The following GALC variants were observed in gnomAD, a reference collection of about 807,000 sequenced individuals.
The protein encoded by GALC is galactocerebrosidase.
In GALC, 77 loss-of-function variants were observed where a neutral mutation model predicts 91.8. The ratio of observed to expected loss-of-function variants is 0.84; its 90% CI spans 0.70 to 1.01. GALC has a LOEUF of 1.01. GALC is among the 50% of genes least tolerant of loss of function. GALC has a pLI of 0.00. For synonymous variants in GALC, 357 were observed against 306.7 expected (o/e 1.16, Z -1.71); for missense variants, 882 against 855.9 (o/e 1.03, Z -0.38).
At chr14:87,978,512 A>G (rs1289824004) in intron 6 of GALC, among the ~76,000 whole-genome samples, 3 of 152,228 alleles carry the variant, frequency 2.0e-5, no homozygotes, top group African/African-American at 7.2e-5. Flanking sequence ...ACAAGTCTAC[A>G]TGCTATGATT....
chr14:87,942,719 A>C (rs1361186231), intron 14 of GALC, among the ~76,000 whole-genome samples: 1 of 152,006 alleles, frequency 6.6e-6, no homozygotes, highest in Non-Finnish European at 1.5e-5. Flanking sequence ...TGCACAGTGA[A>C]ATTTTACTAC....
intron 7 of GALC, among the ~76,000 whole-genome samples, chr14:87,973,797 AC>A (rs1886389647): frequency 6.6e-6 from 1 of 152,166 alleles, no homozygotes; most frequent in Non-Finnish European, 1.5e-5. Context: ...ATGTTTAGAA[AC>A]ATTCGTGGCC....
rs551655721 is a variant in GALC, at chr14:87,954,334, G to C, written c.1162-3586C>G. 16 of 1,600,392 alleles carry C rather than the reference G, an allele frequency of 1.0e-5. No homozygotes were observed. The East Asian group carries it at 3.6e-4, about 36-fold the overall frequency. ...CTGACAGAGGCAGTATACAGTTATA[G>C]AGGACAGAAGCAGAAAAAGTTATGT... is the stretch of plus-strand genomic sequence containing the variant. On this transcript the variant is annotated intron_variant, in intron 10 of 16. Coordinates refer to ENST00000261304, the MANE Select transcript of GALC (RefSeq NM_000153.4).
At chr14:87,935,423 T>C (rs1884530416) in intron 16 of GALC, among the ~76,000 whole-genome samples, 1 of 152,082 alleles carries the variant, frequency 6.6e-6, no homozygotes. Context: ...CAAAGCCATA[T>C]GAAGCTCCTA....
chr14:87,993,533 C>G, upstream of GALC: 1 of 1,445,578 alleles, frequency 6.9e-7, no homozygotes, highest in South Asian at 1.2e-5. Flanking sequence ...GAGGACCAGG[C>G]TTGGACACCA....
At chr14:87,960,617 G>A (rs182809590) in intron 10 of GALC, among the ~76,000 whole-genome samples, 165 of 152,220 alleles carry the variant, frequency 1.1e-3, no homozygotes, top group South Asian at 1.2e-3. Flanking sequence ...TGGTGCTCAC[G>A]TCAGGACAGA....
chr14:87,955,700 T>C (rs1885505429), intron 10 of GALC, among the ~76,000 whole-genome samples: 1 of 152,118 alleles, frequency 6.6e-6, no homozygotes, highest in African/African-American at 2.4e-5. Context: ...TAAAAAGCAT[T>C]GAAAACGAAG....
At chr14:87,944,838 G>A (rs1884999459) in intron 14 of GALC, among the ~76,000 whole-genome samples, 1 of 151,812 alleles carries the variant, frequency 6.6e-6, no homozygotes, top group Non-Finnish European at 1.5e-5. Flanking sequence ...CTTTTTGGTG[G>A]CTTGGTATTA....
chr14:87,955,456 T>C (rs1157610612), intron 10 of GALC, among the ~76,000 whole-genome samples: 1 of 152,042 alleles, frequency 6.6e-6, no homozygotes, highest in Non-Finnish European at 1.5e-5. Flanking sequence ...CCCTGGGAAT[T>C]AAAGGTTTGC....
Position 87,933,951 on chromosome 14 carries a change from G to T in GALC, c.*781C>A. On this transcript the variant is annotated 3_prime_UTR_variant, in exon 17 of 17. Coordinates refer to ENST00000261304, the MANE Select transcript of GALC (RefSeq NM_000153.4). Reference sequence around the variant, plus strand: ...CACAGTGAGATGAGGCTGAGGAAACGACTACAACAGCATTGGCTATATCAG... The same window carrying T: ...CACAGTGAGATGAGGCTGAGGAAACTACTACAACAGCATTGGCTATATCAG... 1 of 1,524,666 alleles carries T rather than the reference G, an allele frequency of 6.6e-7. No individual in the cohort carries two copies. Among genetic ancestry groups the T allele is most frequent in the Non-Finnish European group, 8.8e-7 (1 of 1,136,984 alleles). The allele number at this position is 1,524,666 out of a possible 1,614,324, so 94.4% of individuals were successfully genotyped here. A position where few individuals can be genotyped will look rare whatever the true frequency, so the allele number is the denominator to read the frequency against.
intron 2 of GALC, 35 bp from the exon 3 acceptor site, chr14:87,988,242 G>C: frequency 1.3e-6 from 2 of 1,562,246 alleles, no homozygotes; most frequent in Non-Finnish European, 1.8e-6. Flanking sequence ...ACATAGTGTT[G>C]TATTGTATGA....
At chr14:87,961,526 T>C (rs765064362) in intron 10 of GALC, among the ~76,000 whole-genome samples, 13 of 152,144 alleles carry the variant, frequency 8.5e-5, no homozygotes, top group Non-Finnish European at 1.5e-4. Context: ...ATCCACACCA[T>C]TAGTCATAAC....
upstream of GALC, chr14:87,993,532 G>GTGTCCAAGCCTGGTCCT: frequency 1.4e-6 from 2 of 1,457,582 alleles, no homozygotes; most frequent in Non-Finnish European, 1.9e-6. Context: ...CGAGGACCAG[G>GTGTCCAAGCCTGGTCCT]CTTGGACACC....
chr14:87,971,537 C>T (rs571123810), intron 7 of GALC, among the ~76,000 whole-genome samples: 3 of 152,112 alleles, frequency 2.0e-5, no homozygotes, highest in African/African-American at 7.2e-5. Flanking sequence ...CACAATAAAA[C>T]ACATAAATGG....
At position 87,945,639 on chromosome 14, in the gene GALC, G is replaced by T; in HGVS notation, c.1584C>A (p.Phe528Leu). 1 of 1,609,664 alleles carries T rather than the reference G, an allele frequency of 6.2e-7. No individual in the cohort carries two copies. The highest frequency in any genetic ancestry group is 8.5e-7 in the Non-Finnish European group (1 of 1,176,262). The change falls in exon 14 of 17, where the codon TTC (phenylalanine) becomes TTA (leucine). Residue 528 changes from phenylalanine to leucine, a missense_variant. Phe to Leu is a conservative substitution (Grantham distance 22, BLOSUM62 0). Coordinates refer to ENST00000261304, the MANE Select transcript of GALC (RefSeq NM_000153.4). Reference sequence around the variant, plus strand: ...TCTGGTTGAGAACTTGGCGTAGCGTGAAGTGATGCTCGCCAGGGTCTTCAA... The same window carrying T: ...TCTGGTTGAGAACTTGGCGTAGCGTTAAGTGATGCTCGCCAGGGTCTTCAA... Reference protein sequence around the residue: ...TNIEDPGEHHFTLRQVLNQRP... With the variant: ...TNIEDPGEHHLTLRQVLNQRP...
chr14:87,948,815 A>G (rs1885186124), intron 12 of GALC, among the ~76,000 whole-genome samples: 1 of 151,988 alleles, frequency 6.6e-6, no homozygotes, highest in Non-Finnish European at 1.5e-5. Context: ...AACTTAATAC[A>G]TAATAAGGTG....
At chr14:87,940,287 G>A (rs1884779686) in intron 15 of GALC, among the ~76,000 whole-genome samples, 2 of 151,922 alleles carry the variant, frequency 1.3e-5, no homozygotes, top group South Asian at 4.1e-4. Flanking sequence ...TGTAGTTCAA[G>A]TACACATTTA....
At chr14:87,982,349 T>TA in intron 5 of GALC, 106 bp from the exon 6 acceptor site, 1 of 756,338 alleles carries the variant, frequency 1.3e-6, no homozygotes, top group Non-Finnish European at 2.3e-6. Flanking sequence ...TATTATCTGA[T>TA]ACGCCATTTT....
intron 6 of GALC, chr14:87,980,739 C>G (rs1195105874): frequency 6.6e-6 from 1 of 152,360 alleles, no homozygotes; most frequent in Non-Finnish European, 1.5e-5. Context: ...CTATATCTGA[C>G]TTTATAACCA....
Sources: gnomAD v4.1 joint callset for allele counts (sites outside exome capture counted in the v4.1 genomes callset) on GRCh38, gnomAD v4.1.1 for gene constraint, MANE v1.5 for transcripts, NCBI Gene and HGNC (gene_info 2026-07-23, HGNC 2026-07-21) for gene names.